The following SAMD12 variants were observed in gnomAD, a reference collection of about 807,000 sequenced individuals.
SAMD12 encodes sterile alpha motif domain-containing protein 12.
Under a neutral mutation model 15.0 loss-of-function variants are expected in SAMD12, and 9 were observed. The observed-to-expected ratio is 0.60, with a 90% CI of 0.36 to 1.05. The LOEUF is 1.05. SAMD12 is among the 50% of genes least tolerant of loss of function. The pLI is 0.01. For missense variants in SAMD12, 230 were observed against 234.2 expected (o/e 0.98, Z 0.12); for synonymous variants, 86 against 90.1 (o/e 0.96, Z 0.25).
intron 4 of SAMD12, among the ~76,000 whole-genome samples, chr8:118,240,631 T>C (rs1812542422): frequency 6.6e-6 from 1 of 152,158 alleles, no homozygotes; most frequent in East Asian, 1.9e-4. Flanking sequence ...ACCTAGTACG[T>C]AGTCAGTAAA....
intron 2 of SAMD12, among the ~76,000 whole-genome samples, chr8:118,518,493 T>C (rs533350787): frequency 6.6e-6 from 1 of 152,236 alleles, no homozygotes; most frequent in Admixed American, 6.5e-5. Flanking sequence ...TGTACCCCAA[T>C]GCCAAAAAGT....
At chr8:118,401,743 C>T (rs1219250646) in intron 3 of SAMD12, among the ~76,000 whole-genome samples, 1 of 152,052 alleles carries the variant, frequency 6.6e-6, no homozygotes, top group East Asian at 1.9e-4. Context: ...TGAGAACTCA[C>T]TTTTAAAGTG....
intron 3 of SAMD12, among the ~76,000 whole-genome samples, chr8:118,397,220 CAAG>C (rs1489858589): frequency 6.6e-6 from 1 of 152,110 alleles, no homozygotes; most frequent in African/African-American, 2.4e-5. Context: ...AACCCACAGG[CAAG>C]AAGAAAGCAA....
At chr8:118,425,568 G>T (rs375085469) in intron 3 of SAMD12, among the ~76,000 whole-genome samples, 97 of 152,280 alleles carry the variant, frequency 6.4e-4, no homozygotes, top group African/African-American at 2.2e-3. Context: ...TTAAAACAGG[G>T]ACAACAGAAT....
At chr8:118,319,457 GAGA>G (rs1816115376) in intron 4 of SAMD12, among the ~76,000 whole-genome samples, 1 of 152,184 alleles carries the variant, frequency 6.6e-6, no homozygotes, top group Admixed American at 6.6e-5. Context: ...GCTCCACTCT[GAGA>G]AGGAGAGGAA....
intron 2 of SAMD12, among the ~76,000 whole-genome samples, chr8:118,513,366 G>C (rs765617817): frequency 3.3e-5 from 5 of 152,158 alleles, no homozygotes; most frequent in Non-Finnish European, 7.3e-5. Context: ...AAAGTTAGAG[G>C]ATGCAGGAAA....
At chr8:118,190,086 A>T (rs1018466969) in exon 5 of SAMD12, 1 of 152,306 alleles carries the variant, frequency 6.6e-6, no homozygotes, top group East Asian at 1.9e-4. Context: ...TAAGGAAGTT[A>T]TAAAAATGTC....
chr8:118,278,961 A>G (rs1273954665), intron 4 of SAMD12, among the ~76,000 whole-genome samples: 1 of 152,184 alleles, frequency 6.6e-6, no homozygotes, highest in East Asian at 1.9e-4. Context: ...CCAAAATACA[A>G]TTTAGAGAAA....
intron 1 of SAMD12, among the ~76,000 whole-genome samples, chr8:118,585,101 A>C (rs2131267415): frequency 6.6e-6 from 1 of 152,354 alleles, no homozygotes; most frequent in Middle Eastern, 3.4e-3. Flanking sequence ...CATATAATGA[A>C]ATATTTTGCG....
intron 2 of SAMD12, among the ~76,000 whole-genome samples, chr8:118,563,343 G>T (rs748407766): frequency 2.0e-5 from 3 of 152,064 alleles, no homozygotes; most frequent in African/African-American, 7.2e-5. Flanking sequence ...AATCACTTTC[G>T]ACAGCAGTCA....
the SAMD12 span, among the ~76,000 whole-genome samples, chr8:118,132,966 GT>G: frequency 6.4e-5 from 4 of 62,328 alleles, no homozygotes; most frequent in East Asian, 3.6e-4. Context: ...ACATATGTGT[GT>G]GTGTGTATAT....
the SAMD12 span, among the ~76,000 whole-genome samples, chr8:118,135,251 G>A: frequency 6.0e-5 from 9 of 150,436 alleles, no homozygotes; most frequent in East Asian, 2.0e-4. Context: ...GCACTATCTC[G>A]GCTCACTGAA....
chr8:118,444,731 T>G (rs1161245608), intron 2 of SAMD12, among the ~76,000 whole-genome samples: 1 of 152,212 alleles, frequency 6.6e-6, no homozygotes, highest in Non-Finnish European at 1.5e-5. Context: ...AGGTTGAAAT[T>G]GAAAGAACAT....
At chr8:118,274,721 A>G (rs1334412266) in intron 4 of SAMD12, among the ~76,000 whole-genome samples, 2 of 152,204 alleles carry the variant, frequency 1.3e-5, no homozygotes, top group African/African-American at 2.4e-5. Context: ...ATGTTACAGT[A>G]TGTGTATTCT....
chr8:118,186,495 C>T (rs956269985), downstream of SAMD12, among the ~76,000 whole-genome samples: 1 of 151,422 alleles, frequency 6.6e-6, no homozygotes, highest in Non-Finnish European at 1.5e-5. Flanking sequence ...ACAAGGCTTA[C>T]TTACTGGAAC....
chr8:118,393,389 C>CAT (rs36073416), intron 3 of SAMD12, among the ~76,000 whole-genome samples: 98,346 of 148,470 alleles, frequency 0.66, 33,161 homozygotes, highest in African/African-American at 0.71. Flanking sequence ...TGTGTATATA[C>CAT]ATATATATAT....
rs141059811 is a variant in SAMD12, at chr8:118,233,069, T to A, written c.434-35337A>T. Among the ~76,000 whole-genome samples the A allele has an allele frequency of 2.1e-3, 315 of 152,248 alleles. 1 individual carries two copies. Among genetic ancestry groups the A allele is most frequent in the African/African-American group, 7.5e-3 (310 of 41,548 alleles). On this transcript the variant is annotated intron_variant, in intron 4 of 4. Coordinates refer to the SAMD12 transcript ENST00000409003. ...TAATAGCAGAGAGGAATGAATCTAT[T>A]TTTTTTCCATTTCCAGAGAATAATA... is the stretch of plus-strand genomic sequence containing the variant.
intron 4 of SAMD12, among the ~76,000 whole-genome samples, chr8:118,263,926 C>T (rs1435254528): frequency 6.6e-6 from 1 of 152,086 alleles, no homozygotes; most frequent in Non-Finnish European, 1.5e-5. Flanking sequence ...CACTCCTCTC[C>T]TTAGCCATGA....
chr8:118,620,241 G>A (rs112585093), intron 1 of SAMD12, among the ~76,000 whole-genome samples: 231 of 152,210 alleles, frequency 1.5e-3, no homozygotes, highest in African/African-American at 5.3e-3. Flanking sequence ...GAGTGGTGAA[G>A]ACGAGAGATC....
Sources: allele counts gnomAD v4.1 joint callset (sites outside exome capture counted in the v4.1 genomes callset), GRCh38; gene constraint gnomAD v4.1.1; transcripts MANE v1.5; gene names NCBI Gene and HGNC (gene_info 2026-07-23, HGNC 2026-07-21).